LRCOL1: variants seen among roughly 807,000 people sequenced by gnomAD.
The protein encoded by LRCOL1 is leucine-rich colipase-like protein 1.
A neutral mutation model predicts 21.6 loss-of-function variants in LRCOL1; 21 were observed. That is an observed-to-expected ratio of 0.97 (90% CI 0.69 to 1.40). LRCOL1 has a LOEUF of 1.40. LRCOL1 is among the 40% of genes most tolerant of loss of function. The pLI, the probability that LRCOL1 is intolerant of heterozygous loss-of-function variation, is 0.00. For missense variants in LRCOL1, 198 were observed against 202.3 expected, an observed-to-expected ratio of 0.98 and a Z score of 0.13; for synonymous variants, 98 against 90.1, an observed-to-expected ratio of 1.09 and a Z score of -0.49.
chr12:132,606,406 T>C lies in LRCOL1; in HGVS notation c.-13-142A>G. The C allele has an allele frequency of 1.4e-6, 1 of 721,496 alleles. No homozygotes were observed. The highest frequency in any genetic ancestry group is 2.8e-5 in the East Asian group (1 of 35,818). The allele number at this position is 721,496 out of a possible 1,614,324, so 44.7% of individuals were successfully genotyped here. Reference sequence around the variant, plus strand: ...CAGACTTTTAAAAACTTAATGGACTTTATTTTCTAAAGCAGTTTTATGCTT... The same window carrying C: ...CAGACTTTTAAAAACTTAATGGACTCTATTTTCTAAAGCAGTTTTATGCTT... On this transcript the variant is annotated intron_variant, in intron 1 of 5. Coordinates refer to ENST00000376608, the MANE Select transcript of LRCOL1 (RefSeq NM_001195520.2). The surrounding 1 kb of genome is among the most constrained non-coding windows in gnomAD (Gnocchi z 4.6).
rs1290333924 is a variant in LRCOL1, at chr12:132,606,106, G to A, written c.105+41C>T. On this transcript the variant is annotated intron_variant, in intron 2 of 5. Transcript: ENST00000376608. The surrounding 1 kb of genome is among the most constrained non-coding windows in gnomAD (Gnocchi z 4.6). ...GCGCCCGGCACCCACCTTATGGCGC[G>A]TGTGGGGCCTGCAGGGGCATCAGGG... 23 of 1,524,678 alleles carry A rather than the reference G, an allele frequency of 1.5e-5. No homozygotes were observed. The highest frequency in any genetic ancestry group is 5.9e-5 in the Admixed American group (3 of 50,900). 94.4% of individuals were successfully genotyped at this position (1,524,678 alleles called of 1,614,324 possible). A position where few individuals can be genotyped will look rare whatever the true frequency, so the allele number is the denominator to read the frequency against.
rs1164792663 is a variant in LRCOL1 at position 132,604,567 on chromosome 12, G to A, written c.249C>T (p.Cys83=). 40 of 1,535,718 alleles carry A rather than the reference G, an allele frequency of 2.6e-5. No homozygotes were observed. Among genetic ancestry groups the A allele is most frequent in the Non-Finnish European group, 3.5e-5 (40 of 1,146,566 alleles). Reference sequence around the variant, plus strand: ...TGCTCTGGCACTCTGAGTCGTGCGAGCATCTGTACCCATTGGGCTATGGGA... The same window carrying A: ...TGCTCTGGCACTCTGAGTCGTGCGAACATCTGTACCCATTGGGCTATGGGA... ...LPWRKPNGYR[C]SHDSECQSSC... Residue 83 remains cysteine, a synonymous_variant, in exon 4 of 6, where the codon TGC becomes TGT. Transcript: ENST00000376608.
At position 132,604,551 on chromosome 12, in the gene LRCOL1, ACT is replaced by A. The variant is rs1380282387; in HGVS notation, c.263_264del (p.Glu88ValfsTer74). The A allele has an allele frequency of 1.3e-6, 2 of 1,535,892 alleles. No individual in the cohort carries two copies. The highest frequency in any genetic ancestry group is 1.7e-6 in the Non-Finnish European group (2 of 1,146,852). On this transcript the variant is annotated frameshift_variant, in exon 4 of 6. Transcript: ENST00000376608. LOFTEE classifies it high-confidence loss of function. ...TTGCGGACGCAGCAGCTGCTCTGGC[ACT>A]CTGAGTCGTGCGAGCATCTGTACCC... is the stretch of plus-strand genomic sequence containing the variant. ...PNGYRCSHDS[E>X]CQSSCCVRNN...
chr12:132,603,343 G>A lies in LRCOL1; in HGVS notation c.*59C>T, dbSNP rs1593646923. ...CTGGAACCAGCCCCCGCGCAACGCG[G>A]TCCTGCGTGAACATCCCAGGGCCCA... On this transcript the variant is annotated 3_prime_UTR_variant, in exon 6 of 6. Transcript: ENST00000376608. 1.3e-6 allele frequency: 2 copies of A among 1,535,244 alleles called. 1 individual carries two copies. The highest frequency in any genetic ancestry group is 2.4e-5 in the South Asian group (2 of 84,024).
Position 132,609,469 on chromosome 12 carries a change from T to C in LRCOL1, c.-14+854A>G, listed in dbSNP as rs147725668. 1.4e-3 allele frequency among the ~76,000 whole-genome samples: 210 copies of C among 152,284 alleles called. 2 individuals carry two copies. The highest frequency in any genetic ancestry group is 5.0e-3 in the African/African-American group (206 of 41,570). On this transcript the variant is annotated intron_variant, in intron 1 of 5. Coordinates refer to ENST00000376608, the MANE Select transcript of LRCOL1 (RefSeq NM_001195520.2). ...ATCCCAGCACTTTGGGAGGCCAAGG[T>C]GGGCGATTACCTGAGGTCGGGAGTT...
chr12:132,609,889 C>G (rs1593655378), intron 1 of LRCOL1, among the ~76,000 whole-genome samples: 1 of 152,190 alleles, frequency 6.6e-6, no homozygotes, highest in South Asian at 2.1e-4. Flanking sequence ...TTGGATCAGA[C>G]CCTTCTTCAG....
At position 132,606,192 on chromosome 12, in the gene LRCOL1, G is replaced by A. The variant is rs760354686; in HGVS notation, c.60C>T (p.Ser20=). 3.3e-6 allele frequency: 5 copies of A among 1,536,636 alleles called. No individual in the cohort carries two copies. In the South Asian group the frequency reaches 5.9e-5, roughly 18 times the overall value. Residue 20 remains serine, a synonymous_variant, in exon 2 of 6, where the codon TCC becomes TCT. Transcript: ENST00000376608. This position sits in a 1 kb window ranked among gnomAD's most constrained non-coding sequence, Gnocchi z 4.6. ...LLLLLLLLLG[S]MAGYGPQKKL... is the part of the protein sequence containing the mutation. ...TCTTCTGTGGCCCATACCCTGCCAT[G>A]GACCCCAGCAGCAGCAGCAGCAGCA... is the stretch of plus-strand genomic sequence containing the variant.
Position 132,603,498 on chromosome 12 carries a change from C to T in LRCOL1, c.478-94G>A, listed in dbSNP as rs532522981. ...GGGAACCCGGGGCCACAGCATCTCC[C>T]GGCACCAGCCTCGTGGGGGTCGGGA... On this transcript the variant is annotated intron_variant, in intron 5 of 5. Coordinates refer to ENST00000376608, the MANE Select transcript of LRCOL1 (RefSeq NM_001195520.2). 5.2e-4 allele frequency: 799 copies of T among 1,534,620 alleles called. 7 individuals carry two copies. Among genetic ancestry groups the T allele is most frequent in the Admixed American group, 4.9e-4 (25 of 50,946 alleles).
In LRCOL1 at chr12:132,606,021, T is replaced by C. The variant is rs1488527400; in HGVS notation, c.105+126A>G. 3 of 854,668 alleles carry C rather than the reference T, an allele frequency of 3.5e-6. No individual in the cohort carries two copies. The East Asian group carries it at 8.0e-5, about 23-fold the overall frequency. 52.9% of individuals were successfully genotyped at this position (854,668 alleles called of 1,614,324 possible). ...TCCAGGAAGGCGCTTTGTGTCCCTTTGAGACCCTCCTGACGGAAAGTGGCA... is the reference window on the plus strand; with the variant it reads ...TCCAGGAAGGCGCTTTGTGTCCCTTCGAGACCCTCCTGACGGAAAGTGGCA... On this transcript the variant is annotated intron_variant, in intron 2 of 5. Coordinates refer to ENST00000376608, the MANE Select transcript of LRCOL1 (RefSeq NM_001195520.2). This position sits in a 1 kb window ranked among gnomAD's most constrained non-coding sequence, Gnocchi z 4.6.
At position 132,604,470 on chromosome 12, in the gene LRCOL1, A is replaced by G; in HGVS notation, c.346T>C (p.Trp116Arg). 1 of 1,535,472 alleles carries G rather than the reference A, an allele frequency of 6.5e-7. No homozygotes were observed. The highest frequency in any genetic ancestry group is 1.2e-5 in the South Asian group (1 of 84,048). Residue 116 changes from tryptophan (W) to arginine (R), a missense_variant, in exon 4 of 6, where the codon TGG (tryptophan) becomes CGG (arginine). Coordinates refer to ENST00000376608, the MANE Select transcript of LRCOL1 (RefSeq NM_001195520.2). ...PQSVFLQCVP[W>R]RKPNGDFCSS... ...GGGTGCCCGCAGCTCACCTTGCGCC[A>G]GGGCACACACTGCAGGAAGACGCTT...
chr12:132,608,580 G>C (rs2041340579), intron 1 of LRCOL1, among the ~76,000 whole-genome samples: 1 of 152,170 alleles, frequency 6.6e-6, no homozygotes, highest in Non-Finnish European at 1.5e-5. Flanking sequence ...ATATAACTTT[G>C]TTTAGAGATG....
intron 1 of LRCOL1, among the ~76,000 whole-genome samples, chr12:132,609,696 C>A (rs2041351545): frequency 6.6e-6 from 1 of 151,074 alleles, no homozygotes. Flanking sequence ...GACTCCATCT[C>A]AAAAAAAAAT....
rs746805835 is a variant in LRCOL1, at chr12:132,606,127, CA to C, written c.105+19del. 4.7e-5 allele frequency: 72 copies of C among 1,533,458 alleles called. No individual in the cohort carries two copies. In the African/African-American group the frequency reaches 6.4e-4, roughly 14 times the overall value. 95.0% of individuals were successfully genotyped at this position (1,533,458 alleles called of 1,614,324 possible). A position where few individuals can be genotyped will look rare whatever the true frequency, so the allele number is the denominator to read the frequency against. ...GCGCGTGTGGGGCCTGCAGGGGCAT[CA>C]GGGGTGCCCGGCACCCACCTTATGG... On this transcript the variant is annotated intron_variant, in intron 2 of 5. Coordinates refer to ENST00000376608, the MANE Select transcript of LRCOL1 (RefSeq NM_001195520.2). This position sits in a 1 kb window ranked among gnomAD's most constrained non-coding sequence, Gnocchi z 4.6.
chr12:132,609,232 G>A (rs888464290), intron 1 of LRCOL1, among the ~76,000 whole-genome samples: 5 of 152,212 alleles, frequency 3.3e-5, no homozygotes, highest in Non-Finnish European at 5.9e-5. Context: ...CTCCAGAGTC[G>A]TCAAACCTAC....
At chr12:132,610,105 G>A (rs979966722) in intron 1 of LRCOL1, among the ~76,000 whole-genome samples, 1 of 152,204 alleles carries the variant, frequency 6.6e-6, no homozygotes, top group Non-Finnish European at 1.5e-5. Flanking sequence ...GGCCCAGCAG[G>A]GCAGGGCCGG....
intron 1 of LRCOL1, among the ~76,000 whole-genome samples, chr12:132,607,073 G>A (rs1440490217): frequency 6.6e-6 from 1 of 152,214 alleles, no homozygotes. Context: ...AGCAGTGCGG[G>A]CATCAGATGA....
At chr12:132,604,865 C>T (rs916958177) in intron 2 of LRCOL1, 34 bp from the exon 3 acceptor site, 7 of 1,533,582 alleles carry the variant, frequency 4.6e-6, no homozygotes, top group African/African-American at 1.4e-5. Context: ...CTCACCTGTT[C>T]CTGGGCAGGG....
chr12:132,606,734 T>C lies in LRCOL1; in HGVS notation c.-13-470A>G, dbSNP rs1229755835. On this transcript the variant is annotated intron_variant, in intron 1 of 5. Coordinates refer to ENST00000376608, the MANE Select transcript of LRCOL1 (RefSeq NM_001195520.2). This position sits in a 1 kb window ranked among gnomAD's most constrained non-coding sequence, Gnocchi z 4.6. ...CAGCTGCTGACAGCCACCGAGCTTTTCACTGTCAGCTTGGTTTTGCCTTCT... is the reference window on the plus strand; with the variant it reads ...CAGCTGCTGACAGCCACCGAGCTTTCCACTGTCAGCTTGGTTTTGCCTTCT... Among the ~76,000 whole-genome samples the C allele has an allele frequency of 1.3e-5, 2 of 151,532 alleles. No individual in the cohort carries two copies. Among genetic ancestry groups the C allele is most frequent in the Non-Finnish European group, 2.9e-5 (2 of 67,840 alleles).
rs891448245 is a variant in LRCOL1 at position 132,606,340 on chromosome 12, C to T, written c.-13-76G>A. The T allele has an allele frequency of 4.5e-5, 55 of 1,233,498 alleles. No homozygotes were observed. In the South Asian group the frequency reaches 5.8e-4, roughly 13 times the overall value. 76.4% of individuals were successfully genotyped at this position (1,233,498 alleles called of 1,614,324 possible). A position where few individuals can be genotyped will look rare whatever the true frequency, so the allele number is the denominator to read the frequency against. On this transcript the variant is annotated intron_variant, in intron 1 of 5. Transcript: ENST00000376608. The surrounding 1 kb of genome is among the most constrained non-coding windows in gnomAD (Gnocchi z 4.6). ...GCCTGGCACCTGGTGCTGGCCTCCCCACTCCCTTCCCATCCCTTCCCGATC... is the reference window on the plus strand; with the variant it reads ...GCCTGGCACCTGGTGCTGGCCTCCCTACTCCCTTCCCATCCCTTCCCGATC...
Sources: gnomAD v4.1 joint callset for allele counts (sites outside exome capture counted in the v4.1 genomes callset) on GRCh38, gnomAD v4.1.1 for gene constraint, Gnocchi (gnomAD v3.1) non-coding constraint, MANE v1.5 for transcripts, NCBI Gene and HGNC (gene_info 2026-07-23, HGNC 2026-07-21) for gene names.